Variants in OSBPL8 observed in about 807,000 individuals in gnomAD.
The protein encoded by OSBPL8 is oxysterol binding protein like 8.
Under a neutral mutation model 125.5 loss-of-function variants are expected in OSBPL8, and 59 were observed. That is an observed-to-expected ratio of 0.47 (90% CI 0.38 to 0.58). The LOEUF (loss-of-function observed/expected upper bound fraction) is 0.58, where lower values mean the gene tolerates loss of function less well. Ranked by LOEUF, OSBPL8 falls within the 20% of genes least tolerant of loss-of-function variation. The probability of loss-of-function intolerance (pLI) is 0.00; values close to 1 mark genes in which losing one functional copy is unlikely to be tolerated. For missense variants in OSBPL8, 758 were observed against 1,047.8 expected, an observed-to-expected ratio of 0.72 and a Z score of 3.82; for synonymous variants, 330 against 338.9, an observed-to-expected ratio of 0.97 and a Z score of 0.29.
At chr12:76,422,467 A>G in intron 4 of OSBPL8, 1 of 450,824 alleles carries the variant, frequency 2.2e-6, no homozygotes. Context: ...TATTTTAATT[A>G]AAAGTCTGCA....
At chr12:76,556,349 C>A (rs1951098566) in intron 1 of OSBPL8, among the ~76,000 whole-genome samples, 1 of 152,074 alleles carries the variant, frequency 6.6e-6, no homozygotes, top group African/African-American at 2.4e-5. Flanking sequence ...GAAAATAGCT[C>A]TCTCCCTTGC....
chr12:76,553,518 T>C (rs977352079), intron 1 of OSBPL8, among the ~76,000 whole-genome samples: 3 of 148,780 alleles, frequency 2.0e-5, no homozygotes, highest in African/African-American at 7.4e-5. Flanking sequence ...AAAAAAAACT[T>C]AAAAATTAGC....
chr12:76,369,079 G>T, intron 21 of OSBPL8, 135 bp downstream of exon 21: 2 of 1,175,398 alleles, frequency 1.7e-6, no homozygotes, highest in East Asian at 2.9e-5. Context: ...TTTCTTTGGG[G>T]TAAGAAGAGT....
chr12:76,494,156 G>T (rs1879022842), intron 1 of OSBPL8, among the ~76,000 whole-genome samples: 1 of 152,088 alleles, frequency 6.6e-6, no homozygotes, highest in African/African-American at 2.4e-5. Context: ...TTTGGGGAGG[G>T]TTGATTATTG....
In OSBPL8 at chr12:76,527,249, T is replaced by C. The variant is rs879769150; in HGVS notation, c.-68+32148A>G. On this transcript the variant is annotated intron_variant, in intron 1 of 23. Coordinates refer to ENST00000261183, the MANE Select transcript of OSBPL8 (RefSeq NM_020841.5). ...AATTAAGGAGGGTGGTGGGCCGGGG[T>C]GGGGGGGGATTGTGCAACATGAGGC... Among the ~76,000 whole-genome samples, 4 of 116,644 alleles carry C rather than the reference T, an allele frequency of 3.4e-5. No individual in the cohort carries two copies. The East Asian group carries it at 1.0e-3, about 30-fold the overall frequency. 76.5% of individuals were successfully genotyped at this position (116,644 alleles called of 152,430 possible). A position where few individuals can be genotyped will look rare whatever the true frequency, so the allele number is the denominator to read the frequency against.
At chr12:76,411,457 T>C (rs1324899473) in intron 4 of OSBPL8, among the ~76,000 whole-genome samples, 1 of 152,078 alleles carries the variant, frequency 6.6e-6, no homozygotes, top group Non-Finnish European at 1.5e-5. Flanking sequence ...AAAATATGTA[T>C]AATCATTCAT....
In OSBPL8 at chr12:76,450,853, T is replaced by C. The variant is rs1174058361; in HGVS notation, c.215A>G (p.Gln72Arg). 1 of 1,607,316 alleles carries C rather than the reference T, an allele frequency of 6.2e-7. No individual in the cohort carries two copies. The highest frequency in any genetic ancestry group is 8.5e-7 in the Non-Finnish European group (1 of 1,176,970). Reference sequence around the variant, plus strand: ...ACATGAAAACCACAACTTCCTACCCTGGCTATGAGGACTTGCTGGACTAAG... The same window carrying C: ...ACATGAAAACCACAACTTCCTACCCCGGCTATGAGGACTTGCTGGACTAAG... ...PSLSPASPHS[Q>R]GFERGKEDIS... Residue 72 changes from glutamine (Q) to arginine (R), a missense_variant and splice_region_variant, in exon 4 of 24, where the codon CAG becomes CGG. Gln to Arg is a conservative substitution (Grantham distance 43). Transcript: ENST00000261183.
chr12:76,405,546 A>G (rs1476497409), intron 5 of OSBPL8, among the ~76,000 whole-genome samples: 1 of 152,234 alleles, frequency 6.6e-6, no homozygotes, highest in Non-Finnish European at 1.5e-5. Context: ...ATAGGGGACC[A>G]GCAGGTCAGA....
In OSBPL8 at chr12:76,389,756, A is replaced by C; in HGVS notation, c.1241T>G (p.Val414Gly). 1 of 1,604,066 alleles carries C rather than the reference A, an allele frequency of 6.2e-7. No homozygotes were observed. Among genetic ancestry groups the C allele is most frequent in the Non-Finnish European group, 8.5e-7 (1 of 1,173,784 alleles). Reference sequence around the variant, plus strand: ...CTTGGATAGGTCCATGCCAGGACGGACTTGTTTCAATAGTGTCCAGATAAG... The same window carrying C: ...CTTGGATAGGTCCATGCCAGGACGGCCTTGTTTCAATAGTGTCCAGATAAG... Reference protein sequence around the residue: ...KSLIWTLLKQVRPGMDLSKVV... With the variant: ...KSLIWTLLKQGRPGMDLSKVV... The change falls in exon 12 of 24, where the codon GTC (valine) becomes GGC (glycine). Residue 414 changes from valine to glycine, a missense_variant. Transcript: ENST00000261183.
intron 1 of OSBPL8, among the ~76,000 whole-genome samples, chr12:76,545,664 G>A (rs1241016844): frequency 3.3e-5 from 5 of 152,140 alleles, no homozygotes; most frequent in African/African-American, 1.2e-4. Flanking sequence ...GGATGCTTCT[G>A]GGTTTTGAAT....
chr12:76,506,919 G>GCCTGGTGGCAGATGCCTGTTATCCCA (rs1592811731), intron 1 of OSBPL8, among the ~76,000 whole-genome samples: 1 of 151,978 alleles, frequency 6.6e-6, no homozygotes, highest in African/African-American at 2.4e-5. Flanking sequence ...GTAAGGAACA[G>GCCTGGTGGCAGATGCCTGTTATCCCA]GCTTCGAGAG....
At chr12:76,486,356 G>C (rs576276016) in intron 2 of OSBPL8, among the ~76,000 whole-genome samples, 4 of 152,142 alleles carry the variant, frequency 2.6e-5, no homozygotes, top group Admixed American at 2.0e-4. Flanking sequence ...AGACATAAAA[G>C]TTGGGCTCTA....
At chr12:76,366,849 T>A (rs147348267) in intron 21 of OSBPL8, among the ~76,000 whole-genome samples, 1 of 152,134 alleles carries the variant, frequency 6.6e-6, no homozygotes, top group African/African-American at 2.4e-5. Context: ...CAGGCTGGAG[T>A]GCAATGGTGT....
rs1222127090 is a variant in OSBPL8 at position 76,390,552 on chromosome 12, C to T, written c.1035G>A (p.Glu345=). The stretch of plus-strand genomic sequence containing the variant: ...CACTTTCTTCACTTTTCCCCATCAC[C>T]TCATTATCAGACTCATCATGTTCTT... ...NDQEHDESDN[E]VMGKSEESDT... Residue 345 remains glutamate (E), a synonymous_variant, in exon 11 of 24, where the codon GAG becomes GAA. Transcript: ENST00000261183. 2 of 1,613,672 alleles carry T rather than the reference C, an allele frequency of 1.2e-6. No homozygotes were observed. The highest frequency in any genetic ancestry group is 1.7e-5 in the Admixed American group (1 of 60,020).
At chr12:76,457,529 T>C (rs1262775870) in intron 3 of OSBPL8, among the ~76,000 whole-genome samples, 1 of 152,146 alleles carries the variant, frequency 6.6e-6, no homozygotes, top group Non-Finnish European at 1.5e-5. Flanking sequence ...TTTTCCAATA[T>C]ATTTATTTTT....
intron 4 of OSBPL8, among the ~76,000 whole-genome samples, chr12:76,424,034 A>G (rs528072800): frequency 6.6e-6 from 1 of 152,024 alleles, no homozygotes; most frequent in African/African-American, 2.4e-5. Context: ...ATGGAGTCTC[A>G]CTGTCGCCCA....
intron 4 of OSBPL8, among the ~76,000 whole-genome samples, chr12:76,450,044 A>C (rs1388654138): frequency 2.0e-5 from 3 of 152,212 alleles, no homozygotes; most frequent in Admixed American, 6.5e-5. Flanking sequence ...AGACTGCAGA[A>C]GCAGATACAA....
intron 2 of OSBPL8, among the ~76,000 whole-genome samples, chr12:76,482,160 C>A (rs1434846269): frequency 2.6e-5 from 4 of 152,142 alleles, no homozygotes; most frequent in African/African-American, 9.7e-5. Context: ...CAACTGAGAG[C>A]ATAAAAAAGA....
chr12:76,408,931 G>A (rs1434704620), intron 5 of OSBPL8, among the ~76,000 whole-genome samples: 2 of 151,928 alleles, frequency 1.3e-5, no homozygotes, highest in Non-Finnish European at 2.9e-5. Flanking sequence ...AGGCTTTTGA[G>A]TACGAATACC....
Sources: gnomAD v4.1 joint callset for allele counts (sites outside exome capture counted in the v4.1 genomes callset) on GRCh38, gnomAD v4.1.1 for gene constraint, MANE v1.5 for transcripts, NCBI Gene and HGNC (gene_info 2026-07-23, HGNC 2026-07-21) for gene names.